Variants in GFRA1 observed in about 807,000 individuals in gnomAD.
GFRA1 encodes the protein GDNF family receptor alpha-1.
In GFRA1, 16 loss-of-function variants were observed where a neutral mutation model predicts 51.6. That is an observed-to-expected ratio of 0.31 (90% CI 0.21 to 0.47). The LOEUF (loss-of-function observed/expected upper bound fraction) is 0.47, where lower values mean the gene tolerates loss of function less well. GFRA1 is among the 20% of genes least tolerant of loss of function. GFRA1 has a pLI of 1.00. For synonymous variants in GFRA1, 270 were observed against 241.3 expected (o/e 1.12, Z -1.10); for missense variants, 530 against 594.3 (o/e 0.89, Z 1.13).
At chr10:116,136,471 A>T (rs1465274613) in intron 5 of GFRA1, among the ~76,000 whole-genome samples, 1 of 152,246 alleles carries the variant, frequency 6.6e-6, no homozygotes. Flanking sequence ...GTAACAAAGA[A>T]TCCAAAACCC....
intron 6 of GFRA1, among the ~76,000 whole-genome samples, chr10:116,120,631 T>C (rs576780921): frequency 2.0e-5 from 3 of 152,324 alleles, no homozygotes; most frequent in South Asian, 2.1e-4. Flanking sequence ...CATTCAATTC[T>C]ACCTAGTAAC....
At chr10:116,231,215 C>A (rs1481562661) in intron 4 of GFRA1, among the ~76,000 whole-genome samples, 1 of 152,150 alleles carries the variant, frequency 6.6e-6, no homozygotes, top group African/African-American at 2.4e-5. Flanking sequence ...AGACGACCAA[C>A]CAGGCACAAG....
At chr10:116,070,868 A>G (rs1674335612) in intron 9 of GFRA1, among the ~76,000 whole-genome samples, 1 of 150,106 alleles carries the variant, frequency 6.7e-6, no homozygotes, top group African/African-American at 2.5e-5. Context: ...CAGCCTTTCG[A>G]AAACATCTGC....
At chr10:116,274,392 G>C (rs998424382), upstream of GFRA1, among the ~76,000 whole-genome samples, 3 of 152,250 alleles carry the variant, frequency 2.0e-5, no homozygotes, top group South Asian at 4.1e-4. Flanking sequence ...GGCCGCCGCG[G>C]AGGACAGACA....
intron 8 of GFRA1, among the ~76,000 whole-genome samples, chr10:116,091,105 T>G (rs534665956): frequency 2.7e-4 from 41 of 152,352 alleles, no homozygotes; most frequent in Non-Finnish European, 5.1e-4. Context: ...ACCCTTGCTT[T>G]TGCTTAAAAC....
intron 4 of GFRA1, among the ~76,000 whole-genome samples, chr10:116,234,754 C>A (rs537344913): frequency 6.6e-5 from 10 of 152,270 alleles, no homozygotes; most frequent in African/African-American, 2.4e-4. Flanking sequence ...TATGTGAGCA[C>A]CTGATATGGT....
chr10:116,129,343 G>T (rs1958009446), intron 5 of GFRA1, among the ~76,000 whole-genome samples: 1 of 152,132 alleles, frequency 6.6e-6, no homozygotes. Flanking sequence ...ACCAACTTGG[G>T]TTTATCTCAA....
intron 4 of GFRA1, among the ~76,000 whole-genome samples, chr10:116,269,147 G>C (rs1312535302): frequency 6.6e-6 from 1 of 152,114 alleles, no homozygotes; most frequent in Non-Finnish European, 1.5e-5. Context: ...GAGGCACTAT[G>C]TAAGGTATGC....
intron 5 of GFRA1, among the ~76,000 whole-genome samples, chr10:116,157,565 G>A (rs1249642579): frequency 6.6e-6 from 1 of 152,144 alleles, no homozygotes; most frequent in Non-Finnish European, 1.5e-5. Context: ...CCCATGCCTT[G>A]AACATCTCCA....
intron 4 of GFRA1, among the ~76,000 whole-genome samples, chr10:116,253,087 AC>A (rs1269532658): frequency 1.0e-3 from 158 of 152,360 alleles, no homozygotes; most frequent in African/African-American, 3.6e-3. Context: ...AGATGGGACT[AC>A]CCAGCACGCA....
At chr10:116,132,247 G>C (rs940624943) in intron 5 of GFRA1, among the ~76,000 whole-genome samples, 4 of 152,046 alleles carry the variant, frequency 2.6e-5, no homozygotes, top group Admixed American at 1.3e-4. Context: ...AACACAAAAA[G>C]AAATAGCCTA....
chr10:116,226,858 G>C (rs545392631), intron 4 of GFRA1: 12 of 286,800 alleles, frequency 4.2e-5, no homozygotes, highest in South Asian at 3.9e-4. Context: ...TAAGGAGCAC[G>C]CAACATAGAT....
At chr10:116,194,848 T>A (rs1565641960) in intron 5 of GFRA1, among the ~76,000 whole-genome samples, 1 of 152,318 alleles carries the variant, frequency 6.6e-6, no homozygotes, top group East Asian at 1.9e-4. Context: ...CCACTCATTA[T>A]GACTTCTGAT....
In GFRA1 at chr10:116,137,456, TACCTGCTGTGCTACCTATTTGCCTTC is replaced by T. The variant is rs556348693; in HGVS notation, c.434-11925_434-11900del. Among the ~76,000 whole-genome samples, 51 of 152,280 alleles carry T rather than the reference TACCTGCTGTGCTACCTATTTGCCTTC, an allele frequency of 3.3e-4. No individual in the cohort carries two copies. In the East Asian group the frequency reaches 9.3e-3, roughly 28 times the overall value. The stretch of plus-strand genomic sequence containing the variant: ...CTTTCCTCCCACGAGCCTATTTACA[TACCTGCTGTGCTACCTATTTGCCTTC>T]ACCTGCTTCCCAATTAATACCCCAT... On this transcript the variant is annotated intron_variant, in intron 5 of 10. Transcript: ENST00000355422.
intron 2 of GFRA1, 25 bp from the exon 3 acceptor site, chr10:116,271,140 T>C: frequency 6.3e-7 from 1 of 1,581,278 alleles, no homozygotes; most frequent in Non-Finnish European, 8.6e-7. Context: ...GGAGGGAGCC[T>C]GAGTGCGGCG....
At chr10:116,153,229 T>C (rs1959127398) in intron 5 of GFRA1, among the ~76,000 whole-genome samples, 1 of 152,216 alleles carries the variant, frequency 6.6e-6, no homozygotes, top group African/African-American at 2.4e-5. Flanking sequence ...TTCTCAAATG[T>C]TGCAGAGACA....
intron 4 of GFRA1, among the ~76,000 whole-genome samples, chr10:116,247,128 G>A (rs1040054551): frequency 7.2e-5 from 11 of 151,952 alleles, no homozygotes; most frequent in Admixed American, 3.3e-4. Flanking sequence ...TCTTGTCCCC[G>A]ACCCCTGCCC....
intron 4 of GFRA1, among the ~76,000 whole-genome samples, chr10:116,258,776 A>G (rs1267617494): frequency 2.0e-5 from 3 of 152,178 alleles, no homozygotes; most frequent in African/African-American, 4.8e-5. Context: ...GGCTAAGAGT[A>G]CCTCTACTGA....
intron 5 of GFRA1, among the ~76,000 whole-genome samples, chr10:116,140,091 A>G (rs1958499818): frequency 6.6e-6 from 1 of 152,172 alleles, no homozygotes; most frequent in African/African-American, 2.4e-5. Context: ...TAATGAACTG[A>G]CCCAAGAGAA....
Sources: gnomAD v4.1 joint callset for allele counts (sites outside exome capture counted in the v4.1 genomes callset) on GRCh38, gnomAD v4.1.1 for gene constraint, MANE v1.5 for transcripts, NCBI Gene and HGNC (gene_info 2026-07-23, HGNC 2026-07-21) for gene names.